The following ARFGEF1 variants were observed in gnomAD, a reference collection of about 807,000 sequenced individuals.
ARFGEF1 encodes the protein brefeldin A-inhibited guanine nucleotide-exchange protein 1.
In ARFGEF1, 42 loss-of-function variants were observed where a neutral mutation model predicts 231.0. The observed-to-expected ratio is 0.18, with a 90% CI of 0.14 to 0.24. The LOEUF is 0.24. Among genes scored for constraint, ARFGEF1 ranks in the 10% least tolerant of loss-of-function variants. The pLI is 1.00. For missense variants in ARFGEF1, 1,345 were observed against 2,192.0 expected (o/e 0.61, Z 7.72); for synonymous variants, 710 against 732.3 (o/e 0.97, Z 0.49).
chr8:67,220,495 T>C (rs1839109717), intron 29 of ARFGEF1, among the ~76,000 whole-genome samples: 1 of 152,216 alleles, frequency 6.6e-6, no homozygotes, highest in Admixed American at 6.5e-5. Flanking sequence ...CAAGATTTTG[T>C]TAAAGGATTG....
intron 1 of ARFGEF1, among the ~76,000 whole-genome samples, chr8:67,324,936 A>G (rs906237772): frequency 4.0e-5 from 6 of 149,894 alleles, no homozygotes; most frequent in Non-Finnish European, 8.9e-5. Flanking sequence ...TTTTTGAGAC[A>G]GAGTTTCACT....
chr8:67,227,273 T>C lies in ARFGEF1; in HGVS notation c.3780A>G (p.Ile1260Met). 6.2e-7 allele frequency: 1 copy of C among 1,613,128 alleles called. No homozygotes were observed. The highest frequency in any genetic ancestry group is 1.3e-5 in the African/African-American group (1 of 74,988). The change falls in exon 27 of 39, where the codon ATA (isoleucine) becomes ATG (methionine). Residue 1260 changes from isoleucine (I) to methionine (M), a missense_variant. Transcript: ENST00000262215. ...PTIRDMVVRC[I>M]AQMVNSQAAN... ...CAGCTTGAGAATTAACCATCTGTGCTATACACCGTACAACCATATCTCGAA... is the reference window on the plus strand; with the variant it reads ...CAGCTTGAGAATTAACCATCTGTGCCATACACCGTACAACCATATCTCGAA...
Position 67,253,557 on chromosome 8 carries a change from G to A in ARFGEF1, c.2592C>T (p.Asp864=). 6.3e-7 allele frequency: 1 copy of A among 1,583,822 alleles called. No homozygotes were observed. Among genetic ancestry groups the A allele is most frequent in the Non-Finnish European group, 8.7e-7 (1 of 1,154,278 alleles). The change falls in exon 18 of 39, where the codon GAC becomes GAT. Residue 864 remains aspartate, a synonymous_variant. Coordinates refer to ENST00000262215, the MANE Select transcript of ARFGEF1 (RefSeq NM_006421.5). ...TGGCTGATAGATACTCTTCAGGAAGGTCTTTACTGTCATTGATACCTCTAT... is the reference window on the plus strand; with the variant it reads ...TGGCTGATAGATACTCTTCAGGAAGATCTTTACTGTCATTGATACCTCTAT... ...KMNRGINDSK[D]LPEEYLSAIY... is the part of the protein sequence containing the mutation.
At chr8:67,307,986 A>C (rs1455010699) in intron 1 of ARFGEF1, among the ~76,000 whole-genome samples, 2 of 152,218 alleles carry the variant, frequency 1.3e-5, no homozygotes, top group African/African-American at 4.8e-5. Context: ...CTTGGAGCCC[A>C]ATGGCCCTGT....
At chr8:67,275,065 C>T (rs1015789176) in intron 9 of ARFGEF1, among the ~76,000 whole-genome samples, 1 of 152,054 alleles carries the variant, frequency 6.6e-6, no homozygotes, top group African/African-American at 2.4e-5. Context: ...TTCACAGCAA[C>T]TGTCTCTGGT....
chr8:67,208,448 G>A lies in ARFGEF1; in HGVS notation c.4819+3035C>T, dbSNP rs180823259. Among the ~76,000 whole-genome samples, 418 of 152,106 alleles carry A rather than the reference G, an allele frequency of 2.7e-3. 2 individuals are homozygous for A. Among genetic ancestry groups the A allele is most frequent in the African/African-American group, 9.7e-3 (401 of 41,514 alleles). Reference sequence around the variant, plus strand: ...AGTTTGAGACGAGCCTGGCCAACATGGCGAAACCCCATCTCTACTAAAAAT... The same window carrying A: ...AGTTTGAGACGAGCCTGGCCAACATAGCGAAACCCCATCTCTACTAAAAAT... On this transcript the variant is annotated intron_variant, in intron 34 of 38. Coordinates refer to ENST00000262215, the MANE Select transcript of ARFGEF1 (RefSeq NM_006421.5).
intron 1 of ARFGEF1, among the ~76,000 whole-genome samples, chr8:67,333,124 C>T (rs1282976664): frequency 1.3e-5 from 2 of 151,792 alleles, no homozygotes; most frequent in Admixed American, 1.3e-4. Flanking sequence ...CAACCTCCAC[C>T]TCCCGGGATC....
intron 5 of ARFGEF1, among the ~76,000 whole-genome samples, chr8:67,184,013 T>C (rs2129572535): frequency 1.3e-5 from 2 of 152,164 alleles, no homozygotes; most frequent in African/African-American, 4.8e-5. Flanking sequence ...CCACCACGCC[T>C]GGCTAATTTT....
chr8:67,194,167 C>T (rs979051696), downstream of ARFGEF1, among the ~76,000 whole-genome samples: 2 of 151,992 alleles, frequency 1.3e-5, no homozygotes, highest in Admixed American at 6.5e-5. Flanking sequence ...ACCCTGCCAG[C>T]CCTACACCAC....
chr8:67,230,930 C>G (rs544296560), intron 23 of ARFGEF1, among the ~76,000 whole-genome samples: 23 of 152,112 alleles, frequency 1.5e-4, no homozygotes, highest in African/African-American at 5.5e-4. Context: ...ACCTTAAAGT[C>G]TGTAATAAAA....
downstream of ARFGEF1, among the ~76,000 whole-genome samples, chr8:67,192,862 T>C (rs1027138536): frequency 2.0e-5 from 3 of 152,344 alleles, no homozygotes; most frequent in South Asian, 4.1e-4. Context: ...TCTTTTCTTA[T>C]GTCAGTACCA....
chr8:67,236,359 AAAAAAAATAT>A (rs1839746143), intron 22 of ARFGEF1, among the ~76,000 whole-genome samples: 1 of 43,752 alleles, frequency 2.3e-5, no homozygotes, highest in African/African-American at 1.1e-4. Flanking sequence ...TAAAAAAAAA[AAAAAAAATAT>A]ATATATATAT....
intron 34 of ARFGEF1, among the ~76,000 whole-genome samples, chr8:67,208,201 A>G (rs1030668687): frequency 3.9e-5 from 6 of 152,234 alleles, no homozygotes; most frequent in African/African-American, 1.2e-4. Flanking sequence ...TTAAGAAATT[A>G]GCAAAATACA....
Position 67,217,951 on chromosome 8 carries a change from A to G in ARFGEF1, c.4475-31T>C, listed in dbSNP as rs1206598328. On this transcript the variant is annotated intron_variant, in intron 31 of 38. Coordinates refer to ENST00000262215, the MANE Select transcript of ARFGEF1 (RefSeq NM_006421.5). The stretch of plus-strand genomic sequence containing the variant: ...AAAGAAAAGAGCAATTCATTTATAT[A>G]TTACCAGGGTCACATTTAACACTTT... The G allele has an allele frequency of 1.9e-6, 3 of 1,612,630 alleles. No individual in the cohort carries two copies. In the Admixed American group the frequency reaches 5.0e-5, roughly 27 times the overall value.
chr8:67,219,708 A>G (rs776889057), intron 29 of ARFGEF1, 148 bp from the exon 30 acceptor site: 4 of 779,102 alleles, frequency 5.1e-6, no homozygotes, highest in African/African-American at 1.8e-5. Flanking sequence ...AAAAAATTTA[A>G]GTTGTAAGAA....
chr8:67,238,160 CATTT>C (rs1364091290), intron 22 of ARFGEF1, among the ~76,000 whole-genome samples, 179 bp downstream of exon 22: 1 of 152,200 alleles, frequency 6.6e-6, no homozygotes, highest in Non-Finnish European at 1.5e-5. Flanking sequence ...AACTAAGGGT[CATTT>C]AATGTTGCAA....
chr8:67,329,421 C>T (rs1179941005), intron 1 of ARFGEF1, among the ~76,000 whole-genome samples: 8 of 148,324 alleles, frequency 5.4e-5, no homozygotes, highest in African/African-American at 1.7e-4. Flanking sequence ...CCCAGCTACT[C>T]GGGAGGCTGA....
At chr8:67,205,509 T>TA (rs1838480602) in intron 34 of ARFGEF1, among the ~76,000 whole-genome samples, 2 of 152,022 alleles carry the variant, frequency 1.3e-5, no homozygotes, top group African/African-American at 4.8e-5. Flanking sequence ...AACAAATGGA[T>TA]AAAAACCTAA....
At chr8:67,193,386 C>T, downstream of ARFGEF1, 19 of 1,324,420 alleles carry the variant, frequency 1.4e-5, no homozygotes, top group Non-Finnish European at 2.0e-5. Context: ...TGATAGGCAC[C>T]ATGCCTGGCC....
Sources: allele counts gnomAD v4.1 joint callset (sites outside exome capture counted in the v4.1 genomes callset), GRCh38; gene constraint gnomAD v4.1.1; transcripts MANE v1.5; gene names NCBI Gene and HGNC (gene_info 2026-07-23, HGNC 2026-07-21).